DLG2: variants seen among roughly 807,000 people sequenced by gnomAD.
The protein encoded by DLG2 is disks large homolog 2.
DLG2 carries 45 observed loss-of-function variants against 132.5 expected under a neutral mutation model. The ratio of observed to expected loss-of-function variants is 0.34; its 90% CI spans 0.27 to 0.44. The LOEUF (loss-of-function observed/expected upper bound fraction) is 0.44, where lower values mean the gene tolerates loss of function less well. Ranked by LOEUF, DLG2 falls within the 20% of genes least tolerant of loss-of-function variation. The probability of loss-of-function intolerance (pLI) is 1.00; values close to 1 mark genes in which losing one functional copy is unlikely to be tolerated. For synonymous variants in DLG2, 424 were observed against 419.6 expected (o/e 1.01, Z -0.13); for missense variants, 1,045 against 1,196.9 (o/e 0.87, Z 1.87).
At chr11:85,522,947 T>G (rs1415429664) in intron 3 of DLG2, among the ~76,000 whole-genome samples, 1 of 152,182 alleles carries the variant, frequency 6.6e-6, no homozygotes, top group East Asian at 1.9e-4. Flanking sequence ...ATTGGGTGAC[T>G]GTTGGAAAGG....
At chr11:83,703,386 A>G (rs979037234) in intron 18 of DLG2, among the ~76,000 whole-genome samples, 3 of 152,238 alleles carry the variant, frequency 2.0e-5, no homozygotes, top group Admixed American at 2.0e-4. Context: ...CTGGTGGCTA[A>G]TGCCTGTAAT....
intron 14 of DLG2, among the ~76,000 whole-genome samples, chr11:83,931,492 T>A (rs1831845115): frequency 6.6e-6 from 1 of 152,202 alleles, no homozygotes; most frequent in African/African-American, 2.4e-5. Context: ...CTCCTAGTCC[T>A]TTTACCTCAG....
intron 10 of DLG2, among the ~76,000 whole-genome samples, chr11:84,068,887 GT>G (rs1468026955): frequency 2.6e-5 from 4 of 152,224 alleles, no homozygotes; most frequent in Admixed American, 2.6e-4. Context: ...GTAATGACAG[GT>G]AAATGATGTC....
At chr11:84,982,084 G>A (rs1165862352) in intron 6 of DLG2, among the ~76,000 whole-genome samples, 1 of 151,742 alleles carries the variant, frequency 6.6e-6, no homozygotes, top group Admixed American at 6.6e-5. Context: ...TATTTCTCTG[G>A]CTGCTAAAGT....
chr11:83,594,713 C>T (rs2097255006), intron 19 of DLG2, among the ~76,000 whole-genome samples: 3 of 152,136 alleles, frequency 2.0e-5, no homozygotes, highest in Non-Finnish European at 2.9e-5. Flanking sequence ...CTTTGGGTTG[C>T]TTCTAATTCT....
chr11:85,375,399 G>A (rs367865956), intron 3 of DLG2, among the ~76,000 whole-genome samples: 2 of 151,876 alleles, frequency 1.3e-5, no homozygotes, highest in African/African-American at 2.4e-5. Context: ...CTCTTTTTTC[G>A]ACTGGGCATG....
chr11:85,013,606 TAATA>T (rs1272413272), intron 6 of DLG2, among the ~76,000 whole-genome samples: 1 of 152,182 alleles, frequency 6.6e-6, no homozygotes, highest in African/African-American at 2.4e-5. Context: ...TTGTTCTAAA[TAATA>T]AATAACAGGC....
chr11:84,462,122 A>G (rs2099081965), intron 7 of DLG2, among the ~76,000 whole-genome samples: 1 of 150,902 alleles, frequency 6.6e-6, no homozygotes, highest in African/African-American at 2.4e-5. Flanking sequence ...TATTAAGTAT[A>G]TAACTATTAT....
chr11:83,951,970 T>C (rs1050047195), intron 14 of DLG2, among the ~76,000 whole-genome samples: 3 of 152,014 alleles, frequency 2.0e-5, no homozygotes, highest in East Asian at 1.9e-4. Flanking sequence ...ATATAGAATA[T>C]GAAAGGCGGA....
At chr11:84,041,059 G>A (rs1026076210) in intron 11 of DLG2, among the ~76,000 whole-genome samples, 2 of 151,618 alleles carry the variant, frequency 1.3e-5, no homozygotes, top group Admixed American at 6.6e-5. Flanking sequence ...TGTGATTTTT[G>A]TACATTGATT....
chr11:84,103,668 T>C (rs1194852288), intron 9 of DLG2, among the ~76,000 whole-genome samples: 2 of 152,096 alleles, frequency 1.3e-5, no homozygotes, highest in African/African-American at 4.8e-5. Context: ...ATGACACTTC[T>C]TGTTTCATGT....
At chr11:83,961,872 T>C (rs2088883213) in intron 14 of DLG2, among the ~76,000 whole-genome samples, 1 of 152,046 alleles carries the variant, frequency 6.6e-6, no homozygotes, top group African/African-American at 2.4e-5. Flanking sequence ...TTGATTTACA[T>C]GGATGCACAT....
At chr11:85,331,417 A>G (rs899320759) in intron 3 of DLG2, among the ~76,000 whole-genome samples, 1 of 151,928 alleles carries the variant, frequency 6.6e-6, no homozygotes, top group African/African-American at 2.4e-5. Context: ...CTTTTTCTTT[A>G]TTACATTTTG....
chr11:84,914,499 T>C (rs970218166), intron 6 of DLG2, among the ~76,000 whole-genome samples: 1 of 152,228 alleles, frequency 6.6e-6, no homozygotes, highest in Admixed American at 6.5e-5. Flanking sequence ...TGAAGTCTTC[T>C]AAGTATAAGC....
intron 4 of DLG2, among the ~76,000 whole-genome samples, chr11:85,211,177 T>C (rs2082230307): frequency 6.6e-6 from 1 of 152,150 alleles, no homozygotes; most frequent in Admixed American, 6.5e-5. Flanking sequence ...GGTAGACAAA[T>C]ATTACTGCTA....
chr11:83,570,000 A>C (rs1406515146), intron 19 of DLG2, among the ~76,000 whole-genome samples: 1 of 152,212 alleles, frequency 6.6e-6, no homozygotes, highest in African/African-American at 2.4e-5. Flanking sequence ...GAATGAGCTA[A>C]GCTTATCTGC....
chr11:84,921,364 T>G (rs2092749844), intron 6 of DLG2, among the ~76,000 whole-genome samples: 1 of 152,188 alleles, frequency 6.6e-6, no homozygotes, highest in Admixed American at 6.5e-5. Flanking sequence ...GGTCTCAATT[T>G]CTATCAATCA....
At chr11:84,908,186 T>G (rs2091729035) in intron 6 of DLG2, among the ~76,000 whole-genome samples, 1 of 152,128 alleles carries the variant, frequency 6.6e-6, no homozygotes, top group Admixed American at 6.6e-5. Context: ...AATTTTCTAG[T>G]AGCCACATTG....
intron 7 of DLG2, among the ~76,000 whole-genome samples, chr11:84,440,529 T>C (rs551857717): frequency 6.6e-6 from 1 of 152,324 alleles, no homozygotes; most frequent in Admixed American, 6.5e-5. Context: ...AGGTGGCAGC[T>C]TCCTACAGTT....
Sources: gnomAD v4.1 joint callset for allele counts (sites outside exome capture counted in the v4.1 genomes callset) on GRCh38, gnomAD v4.1.1 for gene constraint, MANE v1.5 for transcripts, NCBI Gene and HGNC (gene_info 2026-07-23, HGNC 2026-07-21) for gene names.